Variants in UTRN observed in about 807,000 individuals in gnomAD.
UTRN encodes the protein utrophin.
A neutral mutation model predicts 463.9 loss-of-function variants in UTRN; 283 were observed. That is an observed-to-expected ratio of 0.61 (90% CI 0.55 to 0.67). The LOEUF (loss-of-function observed/expected upper bound fraction) is 0.67. Ranked by LOEUF, UTRN falls within the 30% of genes least tolerant of loss-of-function variation. The pLI is 0.00. For synonymous variants in UTRN, 1,442 were observed against 1,431.5 expected (o/e 1.01, Z -0.17); for missense variants, 3,922 against 4,084.3 (o/e 0.96, Z 1.08).
chr6:144,723,991 CAG>C (rs942963103), intron 53 of UTRN, among the ~76,000 whole-genome samples: 2 of 103,050 alleles, frequency 1.9e-5, no homozygotes, highest in Non-Finnish European at 3.5e-5. Flanking sequence ...GCTTGGGCGA[CAG>C]AGTGAGACTC....
chr6:144,746,565 C>T (rs1431365314), intron 54 of UTRN, among the ~76,000 whole-genome samples: 2 of 152,132 alleles, frequency 1.3e-5, no homozygotes, highest in Non-Finnish European at 2.9e-5. Context: ...CAACCTCCAT[C>T]TCCTGGGTTC....
chr6:144,763,417 A>G (rs917020474), intron 58 of UTRN, among the ~76,000 whole-genome samples: 1 of 152,146 alleles, frequency 6.6e-6, no homozygotes, highest in Non-Finnish European at 1.5e-5. Context: ...GCCACCCTCT[A>G]CCTGCCCTAA....
rs1783075554 is a variant in UTRN, at chr6:144,403,169, T to C, written c.126T>C (p.Asn42=). ...VQKKTFTKWI[N]ARFSKSGKPP... Reference sequence around the variant, plus strand: ...AGAAAACCTTTACCAAATGGATAAATGCTCGATTTTCAAAGGTAACTGAGA... The same window carrying C: ...AGAAAACCTTTACCAAATGGATAAACGCTCGATTTTCAAAGGTAACTGAGA... Residue 42 remains asparagine (N), a synonymous_variant, in exon 3 of 75, where the codon AAT becomes AAC. Coordinates refer to ENST00000367545, the MANE Select transcript of UTRN (RefSeq NM_007124.3). The C allele has an allele frequency of 6.2e-7, 1 of 1,613,436 alleles. No individual in the cohort carries two copies. The highest frequency in any genetic ancestry group is 1.7e-5 in the Admixed American group (1 of 59,964).
chr6:144,632,126 G>A (rs915403896), intron 51 of UTRN, among the ~76,000 whole-genome samples: 2 of 152,152 alleles, frequency 1.3e-5, no homozygotes, highest in African/African-American at 4.8e-5. Context: ...AACCAAAGTT[G>A]TACTGAGAAA....
chr6:144,506,294 C>T (rs893305040), intron 34 of UTRN, among the ~76,000 whole-genome samples: 8 of 152,000 alleles, frequency 5.3e-5, no homozygotes, highest in African/African-American at 1.9e-4. Flanking sequence ...TGAATTTGAT[C>T]CTGTCATTAT....
At chr6:144,478,507 T>A (rs548908940) in intron 25 of UTRN, among the ~76,000 whole-genome samples, 2 of 152,312 alleles carry the variant, frequency 1.3e-5, no homozygotes, top group East Asian at 3.9e-4. Flanking sequence ...GGGAATGGGA[T>A]TGTGAGTGTT....
At chr6:144,621,286 T>C (rs1775351216) in intron 51 of UTRN, among the ~76,000 whole-genome samples, 1 of 152,240 alleles carries the variant, frequency 6.6e-6, no homozygotes, top group Non-Finnish European at 1.5e-5. Flanking sequence ...TAGAGAACGA[T>C]AGTTGTTTTA....
intron 51 of UTRN, among the ~76,000 whole-genome samples, chr6:144,670,849 C>CA (rs1225659316): frequency 6.6e-6 from 1 of 152,156 alleles, no homozygotes; most frequent in Non-Finnish European, 1.5e-5. Flanking sequence ...CATTCTTCTA[C>CA]ATGTGGCTTA....
At chr6:144,480,947 G>GT (rs1390540014) in intron 26 of UTRN, among the ~76,000 whole-genome samples, 1 of 152,044 alleles carries the variant, frequency 6.6e-6, no homozygotes. Flanking sequence ...CTTTTTTAGT[G>GT]TAGCTCTTTT....
chr6:144,616,111 A>G (rs1806060868), intron 51 of UTRN, among the ~76,000 whole-genome samples: 1 of 152,150 alleles, frequency 6.6e-6, no homozygotes, highest in Non-Finnish European at 1.5e-5. Flanking sequence ...TCTCGGCAGT[A>G]GCATTGGACC....
At chr6:144,832,839 A>C (rs1780780392) in intron 69 of UTRN, among the ~76,000 whole-genome samples, 1 of 151,980 alleles carries the variant, frequency 6.6e-6, no homozygotes, top group South Asian at 2.1e-4. Context: ...TTTGTTTTTG[A>C]GACAGAGTCT....
intron 29 of UTRN, 52 bp from the exon 30 acceptor site, chr6:144,488,621 G>A: frequency 6.3e-7 from 1 of 1,576,672 alleles, no homozygotes; most frequent in Non-Finnish European, 8.6e-7. Context: ...TATATATTCT[G>A]CTATTTATAT....
intron 51 of UTRN, among the ~76,000 whole-genome samples, chr6:144,626,323 G>A (rs946880573): frequency 5.9e-5 from 9 of 152,142 alleles, no homozygotes; most frequent in African/African-American, 1.9e-4. Flanking sequence ...TTTCAGAGAC[G>A]TCTGCAGGTT....
intron 2 of UTRN, among the ~76,000 whole-genome samples, chr6:144,318,786 T>A (rs913520094): frequency 6.6e-6 from 1 of 152,122 alleles, no homozygotes; most frequent in Admixed American, 6.5e-5. Flanking sequence ...TGAAAATAAA[T>A]CTAGCTGGGC....
intron 2 of UTRN, among the ~76,000 whole-genome samples, chr6:144,336,218 A>C (rs1002338177): frequency 6.6e-6 from 1 of 152,082 alleles, no homozygotes; most frequent in Non-Finnish European, 1.5e-5. Flanking sequence ...GTAGGTAGGG[A>C]AAGTGTTGCC....
chr6:144,398,924 G>A (rs573448574), intron 2 of UTRN, among the ~76,000 whole-genome samples: 17 of 151,968 alleles, frequency 1.1e-4, no homozygotes, highest in African/African-American at 3.4e-4. Context: ...TTTTAAATGC[G>A]GTTTTTAGCT....
At position 144,403,122 on chromosome 6, in the gene UTRN, G is replaced by A; in HGVS notation, c.80-1G>A. On this transcript the variant is annotated splice_acceptor_variant, in intron 2 of 74. Coordinates refer to ENST00000367545, the MANE Select transcript of UTRN (RefSeq NM_007124.3). LOFTEE classifies it high-confidence loss of function. ...CTTCTCTTTCTTTTTCCATTCCACA[G>A]ATGAACACAATGACGTACAGAAGAA... The A allele has an allele frequency of 6.2e-7, 1 of 1,613,028 alleles. No homozygotes were observed. The highest frequency in any genetic ancestry group is 8.5e-7 in the Non-Finnish European group (1 of 1,179,464).
intron 23 of UTRN, among the ~76,000 whole-genome samples, chr6:144,469,712 T>G (rs1790313665): frequency 6.6e-6 from 1 of 150,560 alleles, no homozygotes; most frequent in Non-Finnish European, 1.5e-5. Context: ...CCTTTTTTTT[T>G]TTAGTATTTA....
chr6:144,739,539 T>G (rs1429707184), intron 54 of UTRN, among the ~76,000 whole-genome samples: 1 of 152,146 alleles, frequency 6.6e-6, no homozygotes, highest in Admixed American at 6.5e-5. Flanking sequence ...ACAACTTTAT[T>G]AATTGGAGCC....
Sources: allele counts gnomAD v4.1 joint callset (sites outside exome capture counted in the v4.1 genomes callset), GRCh38; gene constraint gnomAD v4.1.1; transcripts MANE v1.5; gene names NCBI Gene and HGNC (gene_info 2026-07-23, HGNC 2026-07-21).